STXBP5L: variants seen among roughly 807,000 people sequenced by gnomAD.
STXBP5L encodes syntaxin-binding protein 5-like.
A neutral mutation model predicts 144.5 loss-of-function variants in STXBP5L; 65 were observed. That is an observed-to-expected ratio of 0.45 (90% CI 0.37 to 0.55). The LOEUF is 0.55. Among genes scored for constraint, STXBP5L ranks in the 20% least tolerant of loss-of-function variants. The pLI, the probability that STXBP5L is intolerant of heterozygous loss-of-function variation, is 0.00. For synonymous variants in STXBP5L, 505 were observed against 469.6 expected (o/e 1.08, Z -0.97); for missense variants, 1,298 against 1,405.5 (o/e 0.92, Z 1.22).
At chr3:121,253,921 G>A (rs1401512948) in intron 15 of STXBP5L, among the ~76,000 whole-genome samples, 2 of 150,300 alleles carry the variant, frequency 1.3e-5, no homozygotes, top group Non-Finnish European at 3.0e-5. Context: ...CCAAAGTGCT[G>A]GGATTACAGG....
chr3:121,086,922 T>G (rs1338853464), intron 5 of STXBP5L, among the ~76,000 whole-genome samples: 2 of 152,094 alleles, frequency 1.3e-5, no homozygotes, highest in Non-Finnish European at 2.9e-5. Flanking sequence ...TCAGAACTTA[T>G]GCCCATTGTT....
intron 14 of STXBP5L, among the ~76,000 whole-genome samples, chr3:121,244,169 A>T (rs2049763838): frequency 6.6e-6 from 1 of 152,058 alleles, no homozygotes; most frequent in Non-Finnish European, 1.5e-5. Flanking sequence ...AAACTAAACA[A>T]AATTAGGGAA....
intron 18 of STXBP5L, among the ~76,000 whole-genome samples, chr3:121,265,424 A>G (rs2050529893): frequency 6.6e-6 from 1 of 152,206 alleles, no homozygotes; most frequent in Non-Finnish European, 1.5e-5. Flanking sequence ...TTTGAAACCA[A>G]TGAGAACAGA....
intron 5 of STXBP5L, among the ~76,000 whole-genome samples, chr3:121,067,623 T>A (rs1406743901): frequency 6.6e-6 from 1 of 152,186 alleles, no homozygotes; most frequent in Admixed American, 6.5e-5. Context: ...TAAATTTGAC[T>A]AAGTTCATTA....
At chr3:121,139,880 G>A (rs2045421728) in intron 7 of STXBP5L, among the ~76,000 whole-genome samples, 1 of 152,016 alleles carries the variant, frequency 6.6e-6, no homozygotes, top group South Asian at 2.1e-4. Context: ...GGGAAAAAAA[G>A]ACCACCTACA....
rs561100596 is a variant in STXBP5L at position 121,182,314 on chromosome 3, A to G, written c.878-23609A>G. Among the ~76,000 whole-genome samples, 6 of 152,320 alleles carry G rather than the reference A, an allele frequency of 3.9e-5. No homozygotes were observed. The East Asian group carries it at 7.7e-4, about 20-fold the overall frequency. ...AAATTTAAGAAAATCTAAATCATAT[A>G]AAGTATAGTCTTAGACTATGGTGGA... On this transcript the variant is annotated intron_variant, in intron 9 of 26. Coordinates refer to ENST00000471454, the MANE Select transcript of STXBP5L (RefSeq NM_001308330.2).
At chr3:121,236,651 G>A (rs1056488180) in intron 12 of STXBP5L, among the ~76,000 whole-genome samples, 3 of 152,140 alleles carry the variant, frequency 2.0e-5, no homozygotes, top group Admixed American at 6.5e-5. Context: ...AAGACATCCC[G>A]ATCATAGCAT....
chr3:121,374,541 C>G (rs2046127566), intron 20 of STXBP5L, among the ~76,000 whole-genome samples: 1 of 151,864 alleles, frequency 6.6e-6, no homozygotes. Flanking sequence ...CAAGAGTATA[C>G]AGATAAATAC....
At chr3:121,276,349 C>T (rs528526193) in intron 18 of STXBP5L, among the ~76,000 whole-genome samples, 1 of 151,930 alleles carries the variant, frequency 6.6e-6, no homozygotes, top group African/African-American at 2.4e-5. Context: ...ATGTTATAAA[C>T]CGCATAATAC....
chr3:121,208,792 A>C (rs2108243996), intron 10 of STXBP5L, among the ~76,000 whole-genome samples: 1 of 152,106 alleles, frequency 6.6e-6, no homozygotes, highest in East Asian at 1.9e-4. Flanking sequence ...TTATACTTTA[A>C]GTTTTGGAAT....
intron 9 of STXBP5L, among the ~76,000 whole-genome samples, chr3:121,168,621 C>T (rs777115101): frequency 7.9e-5 from 12 of 151,838 alleles, no homozygotes; most frequent in African/African-American, 1.2e-4. Flanking sequence ...TGAAATAAAG[C>T]GTGAAGACAA....
At chr3:121,128,049 A>G (rs537314046) in intron 7 of STXBP5L, among the ~76,000 whole-genome samples, 2 of 152,204 alleles carry the variant, frequency 1.3e-5, no homozygotes, top group South Asian at 4.1e-4. Context: ...GAATAAATAA[A>G]CTATATTTGA....
chr3:121,343,380 G>C (rs2044810621), intron 20 of STXBP5L, among the ~76,000 whole-genome samples: 1 of 152,062 alleles, frequency 6.6e-6, no homozygotes, highest in Admixed American at 6.6e-5. Flanking sequence ...TCAACATAGT[G>C]TTGGAAGTTA....
At chr3:121,376,087 C>T (rs1191651982) in intron 20 of STXBP5L, among the ~76,000 whole-genome samples, 3 of 152,160 alleles carry the variant, frequency 2.0e-5, no homozygotes, top group African/African-American at 4.8e-5. Context: ...GACCGACAAT[C>T]GTAATTAACT....
intron 3 of STXBP5L, among the ~76,000 whole-genome samples, chr3:120,959,030 A>G (rs1008080017): frequency 6.6e-6 from 1 of 152,170 alleles, no homozygotes; most frequent in Non-Finnish European, 1.5e-5. Context: ...CAAAATCTCC[A>G]TAAGCTGATA....
chr3:120,935,079 T>G (rs970229460), intron 2 of STXBP5L, among the ~76,000 whole-genome samples: 1 of 151,934 alleles, frequency 6.6e-6, no homozygotes, highest in African/African-American at 2.4e-5. Flanking sequence ...GGTTTTTTTT[T>G]GGTCTTATAC....
At chr3:121,030,081 G>A (rs1282762129) in intron 3 of STXBP5L, among the ~76,000 whole-genome samples, 3 of 152,278 alleles carry the variant, frequency 2.0e-5, no homozygotes, top group East Asian at 1.9e-4. Context: ...CTGTTGGTGG[G>A]TGTGTAAATT....
At chr3:121,113,260 G>A (rs969588563) in intron 5 of STXBP5L, among the ~76,000 whole-genome samples, 1 of 152,060 alleles carries the variant, frequency 6.6e-6, no homozygotes, top group East Asian at 1.9e-4. Context: ...AATGGGATTA[G>A]TGTTTTTTCC....
rs757350642 is a variant in STXBP5L at position 121,378,730 on chromosome 3, C to T, written c.2191C>T (p.His731Tyr). Residue 731 changes from histidine (H) to tyrosine (Y), a missense_variant, in exon 21 of 27, where the codon CAC (histidine) becomes TAC (tyrosine). By Grantham distance (83) the His-to-Tyr change is moderately conservative (BLOSUM62 2). Transcript: ENST00000471454. ...TCTTGGCACAGACCATGTAAATGGA[C>T]ACTGCACAAGTCCAACTTCTCAGAG... ...KSPTSDHVNG[H>Y]CTSPTSQSCS... The T allele has an allele frequency of 6.2e-7, 1 of 1,613,386 alleles. No individual in the cohort carries two copies. Among genetic ancestry groups the T allele is most frequent in the Non-Finnish European group, 8.5e-7 (1 of 1,179,692 alleles).
Sources: gnomAD v4.1 joint callset for allele counts (sites outside exome capture counted in the v4.1 genomes callset) on GRCh38, gnomAD v4.1.1 for gene constraint, MANE v1.5 for transcripts, NCBI Gene and HGNC (gene_info 2026-07-23, HGNC 2026-07-21) for gene names.